Variants in IARS1 observed in about 807,000 individuals in gnomAD.
IARS1 encodes isoleucyl-tRNA synthetase 1.
A neutral mutation model predicts 168.2 loss-of-function variants in IARS1; 124 were observed. The observed-to-expected ratio is 0.74, with a 90% CI of 0.64 to 0.86. The LOEUF is 0.86. IARS1 is among the 40% of genes least tolerant of loss of function. The pLI is 0.00. For missense variants in IARS1, 1,452 were observed against 1,515.8 expected, an observed-to-expected ratio of 0.96 and a Z score of 0.70; for synonymous variants, 532 against 529.4, an observed-to-expected ratio of 1.00 and a Z score of -0.07.
At chr9:92,283,855 G>T (rs904310602) in intron 6 of IARS1, among the ~76,000 whole-genome samples, 1 of 152,140 alleles carries the variant, frequency 6.6e-6, no homozygotes, top group Non-Finnish European at 1.5e-5. Flanking sequence ...TGATGTTCAG[G>T]AATTACATAA....
chr9:92,258,121 G>A (rs1245617664), intron 19 of IARS1, among the ~76,000 whole-genome samples: 2 of 152,188 alleles, frequency 1.3e-5, no homozygotes, highest in Non-Finnish European at 1.5e-5. Context: ...CCACCCCACT[G>A]AGGGGCCTTC....
chr9:92,287,950 G>C (rs775088128), intron 3 of IARS1, 40 bp from the exon 4 acceptor site: 13 of 1,607,908 alleles, frequency 8.1e-6, no homozygotes, highest in Non-Finnish European at 1.1e-5. Context: ...GCTGCCCTAT[G>C]AAAACAACTG....
At chr9:92,276,680 T>C (rs1339376059) in intron 9 of IARS1, among the ~76,000 whole-genome samples, 1 of 152,194 alleles carries the variant, frequency 6.6e-6, no homozygotes, top group African/African-American at 2.4e-5. Context: ...TCAGCGAACA[T>C]TTTTTTCTGG....
intron 30 of IARS1, 26 bp from the exon 31 acceptor site, chr9:92,229,152 C>G: frequency 5.0e-6 from 8 of 1,601,414 alleles, no homozygotes; most frequent in Non-Finnish European, 6.8e-6. Flanking sequence ...AATAACACCT[C>G]AATCAGACAA....
At position 92,219,218 on chromosome 9, in the gene IARS1, G is replaced by A. The variant is rs377331863; in HGVS notation, c.3706+3302C>T. Among the ~76,000 whole-genome samples, 596 of 152,196 alleles carry A rather than the reference G, an allele frequency of 3.9e-3. 1 individual carries two copies. Among genetic ancestry groups the A allele is most frequent in the African/African-American group, 5.5e-3 (230 of 41,542 alleles). ...ATGGTGCTGGGAAAACTGGCTAGCC[G>A]TATGTAGAAAGCTGAAACTGGATCC... On this transcript the variant is annotated intron_variant, in intron 33 of 33. Transcript: ENST00000443024.
intron 9 of IARS1, among the ~76,000 whole-genome samples, chr9:92,275,654 T>C (rs908345519): frequency 6.6e-6 from 1 of 152,212 alleles, no homozygotes; most frequent in Non-Finnish European, 1.5e-5. Flanking sequence ...CTGCATCTTG[T>C]CTCTCAGGGT....
At chr9:92,261,867 C>T (rs1234306490) in intron 17 of IARS1, among the ~76,000 whole-genome samples, 1 of 151,930 alleles carries the variant, frequency 6.6e-6, no homozygotes, top group East Asian at 1.9e-4. Context: ...TCTTGTGCCT[C>T]AGCCTCCCAG....
At chr9:92,286,744 T>C (rs1835526244) in intron 4 of IARS1, 126 bp from the exon 5 acceptor site, 2 of 567,266 alleles carry the variant, frequency 3.5e-6, no homozygotes, top group Non-Finnish European at 6.3e-6. Context: ...ATGGTACAAG[T>C]AAATCTATAC....
At chr9:92,213,092 T>C (rs1187018369) in intron 33 of IARS1, among the ~76,000 whole-genome samples, 1 of 151,444 alleles carries the variant, frequency 6.6e-6, no homozygotes, top group African/African-American at 2.4e-5. Flanking sequence ...TTTAACATCA[T>C]GACAGAAAAT....
chr9:92,266,686 T>C (rs925070187), intron 14 of IARS1, among the ~76,000 whole-genome samples: 1 of 152,286 alleles, frequency 6.6e-6, no homozygotes, highest in Non-Finnish European at 1.5e-5. Flanking sequence ...CTCTCTCTAT[T>C]AGCTCCTGTG....
intron 32 of IARS1, 43 bp downstream of exon 32, chr9:92,223,303 T>C (rs1839925277): frequency 1.3e-6 from 2 of 1,537,254 alleles, no homozygotes; most frequent in African/African-American, 2.8e-5. Context: ...ACAACTTCAA[T>C]GCCCAGCACC....
chr9:92,226,945 C>A (rs1165354825), intron 31 of IARS1, among the ~76,000 whole-genome samples: 3 of 137,516 alleles, frequency 2.2e-5, no homozygotes, highest in Non-Finnish European at 4.6e-5. Context: ...AGGCAGAGGA[C>A]CCTGCGGCCT....
rs1220952720 is a variant in IARS1 at position 92,289,931 on chromosome 9, G to GTTTGGATATT, written c.-7-506_-7-505insAATATCCAAA. ...GAATAGTATTCCATTTCATGAATAT[G>GTTTGGATATT]CCACATTTTGTTTATCCATTCATCA... On this transcript the variant is annotated intron_variant, in intron 1 of 33. Transcript: ENST00000443024. Among the ~76,000 whole-genome samples the GTTTGGATATT allele has an allele frequency of 3.9e-5, 6 of 152,230 alleles. No homozygotes were observed. In the East Asian group the frequency reaches 1.2e-3, roughly 29 times the overall value.
intron 6 of IARS1, among the ~76,000 whole-genome samples, chr9:92,284,526 A>G (rs1160122716): frequency 5.9e-5 from 9 of 152,070 alleles, no homozygotes; most frequent in Admixed American, 5.9e-4. Context: ...ATGGCTCACA[A>G]CTGTAATTCC....
At chr9:92,267,446 A>G (rs1832438482) in intron 14 of IARS1, among the ~76,000 whole-genome samples, 1 of 152,234 alleles carries the variant, frequency 6.6e-6, no homozygotes, top group Admixed American at 6.5e-5. Context: ...ATCTATCTGT[A>G]TAGTAAGTCC....
intron 30 of IARS1, among the ~76,000 whole-genome samples, chr9:92,231,436 G>T (rs1468493876): frequency 2.1e-5 from 3 of 145,666 alleles, no homozygotes; most frequent in Non-Finnish European, 3.0e-5. Context: ...TTTTTGAGAC[G>T]GAGTTTTGCT....
At position 92,228,993 on chromosome 9, in the gene IARS1, C is replaced by T; in HGVS notation, c.3409+8G>A. ...AAAGGACGTAGGCTCCTCTCACTTT[C>T]CACATACCTGTTTCATCATGGAAGA... is the stretch of plus-strand genomic sequence containing the variant. On this transcript the variant is annotated splice_region_variant and intron_variant, in intron 31 of 33. Transcript: ENST00000443024. 6.2e-7 allele frequency: 1 copy of T among 1,613,978 alleles called. No individual in the cohort carries two copies. The highest frequency in any genetic ancestry group is 1.3e-5 in the African/African-American group (1 of 75,042).
chr9:92,250,136 A>G (rs372819131), intron 24 of IARS1, 51 bp downstream of exon 24: 142 of 1,204,692 alleles, frequency 1.2e-4, no homozygotes, highest in Non-Finnish European at 1.7e-4. Flanking sequence ...CATTCCAAAC[A>G]CTTAATTAAT....
At chr9:92,214,859 T>C (rs1838381319) in intron 33 of IARS1, among the ~76,000 whole-genome samples, 1 of 152,234 alleles carries the variant, frequency 6.6e-6, no homozygotes, top group Admixed American at 6.5e-5. Context: ...GCGCCCGCCA[T>C]TGCCCAGGCT....
Sources: gnomAD v4.1 joint callset for allele counts (sites outside exome capture counted in the v4.1 genomes callset) on GRCh38, gnomAD v4.1.1 for gene constraint, MANE v1.5 for transcripts, NCBI Gene and HGNC (gene_info 2026-07-23, HGNC 2026-07-21) for gene names.